Variants in TENM3 observed in about 807,000 individuals in gnomAD.
TENM3 encodes teneurin transmembrane protein 3.
A neutral mutation model predicts 255.1 loss-of-function variants in TENM3; 63 were observed. The observed-to-expected ratio is 0.25, with a 90% CI of 0.20 to 0.30. The LOEUF is 0.30. TENM3 is among the 10% of genes least tolerant of loss of function. The pLI is 1.00. For synonymous variants in TENM3, 1,306 were observed against 1,322.3 expected (o/e 0.99, Z 0.27); for missense variants, 2,929 against 3,461.1 (o/e 0.85, Z 3.86).
chr4:182,721,475 G>A (rs887682693), intron 13 of TENM3, among the ~76,000 whole-genome samples: 1 of 151,950 alleles, frequency 6.6e-6, no homozygotes, highest in Non-Finnish European at 1.5e-5. Flanking sequence ...CTACACTGAC[G>A]ATAATTTAAT....
chr4:182,188,513 G>A (rs1400456741), intron 1 of TENM3, among the ~76,000 whole-genome samples: 1 of 152,206 alleles, frequency 6.6e-6, no homozygotes, highest in Admixed American at 6.5e-5. Flanking sequence ...AGACTAGGTT[G>A]AAGTTGATAT....
the TENM3 span, among the ~76,000 whole-genome samples, chr4:181,639,868 G>T: frequency 6.6e-6 from 1 of 152,212 alleles, no homozygotes; most frequent in Non-Finnish European, 1.5e-5. Flanking sequence ...ATGAACTCCT[G>T]CCAGTAAGGC....
At chr4:181,694,260 G>T in the TENM3 span, among the ~76,000 whole-genome samples, 1 of 152,192 alleles carries the variant, frequency 6.6e-6, no homozygotes, top group Admixed American at 6.5e-5. Flanking sequence ...TTGGCTCCAG[G>T]TCTGCTGCTG....
intron 3 of TENM3, among the ~76,000 whole-genome samples, chr4:182,570,989 A>T (rs1560940898): frequency 6.6e-6 from 1 of 152,220 alleles, no homozygotes; most frequent in Admixed American, 6.5e-5. Context: ...AACCTGGCAC[A>T]CAGTAATCAG....
chr4:181,775,389 G>A, the TENM3 span, among the ~76,000 whole-genome samples: 2 of 152,094 alleles, frequency 1.3e-5, no homozygotes, highest in Non-Finnish European at 2.9e-5. Context: ...TGAGTTTCTT[G>A]TATCTACGCA....
intron 6 of TENM3, among the ~76,000 whole-genome samples, chr4:182,654,844 G>T (rs770807286): frequency 6.6e-6 from 1 of 152,064 alleles, no homozygotes; most frequent in Admixed American, 6.5e-5. Flanking sequence ...TGAATACTTT[G>T]TACACTTTTT....
intron 1 of TENM3, among the ~76,000 whole-genome samples, chr4:182,157,671 T>C (rs1047317266): frequency 2.0e-5 from 3 of 152,172 alleles, no homozygotes; most frequent in Non-Finnish European, 2.9e-5. Context: ...GTTAAATAGA[T>C]AGTACCAACA....
intron 12 of TENM3, among the ~76,000 whole-genome samples, chr4:182,706,050 T>C (rs946163840): frequency 1.4e-4 from 21 of 152,350 alleles, no homozygotes; most frequent in African/African-American, 5.1e-4. Context: ...CTGTCAGTGT[T>C]GGAACTAAGG....
intron 3 of TENM3, among the ~76,000 whole-genome samples, chr4:182,433,342 A>G (rs999682282): frequency 3.3e-5 from 5 of 152,206 alleles, no homozygotes; most frequent in African/African-American, 7.2e-5. Flanking sequence ...CAGCTTTACA[A>G]TAGGTGCTTG....
At chr4:182,013,909 C>T in the TENM3 span, among the ~76,000 whole-genome samples, 1 of 148,076 alleles carries the variant, frequency 6.8e-6, no homozygotes, top group Non-Finnish European at 1.5e-5. Context: ...CAGTATAATA[C>T]TTTATATTAT....
chr4:182,025,020 A>ATTTTTTT, the TENM3 span, among the ~76,000 whole-genome samples: 2 of 121,146 alleles, frequency 1.7e-5, no homozygotes, highest in African/African-American at 3.4e-5. Context: ...ACAGGATTTC[A>ATTTTTTT]TTTTTTTTTT....
At chr4:182,537,709 T>C (rs1421922578) in intron 3 of TENM3, among the ~76,000 whole-genome samples, 1 of 152,164 alleles carries the variant, frequency 6.6e-6, no homozygotes, top group Admixed American at 6.6e-5. Context: ...TCCACATGTG[T>C]TTAATTATTT....
chr4:181,528,004 A>AT, the TENM3 span, among the ~76,000 whole-genome samples: 1 of 152,166 alleles, frequency 6.6e-6, no homozygotes, highest in East Asian at 1.9e-4. Flanking sequence ...TTTTAAAACA[A>AT]TTTTTTAAAA....
At chr4:182,070,953 C>T in the TENM3 span, among the ~76,000 whole-genome samples, 6 of 152,154 alleles carry the variant, frequency 3.9e-5, no homozygotes, top group African/African-American at 1.4e-4. Context: ...ACTTGAACTT[C>T]AGGACTCCTT....
Position 182,154,027 on chromosome 4 carries a change from G to GA in TENM3, c.-76+9278dup, listed in dbSNP as rs140744581. ...TTATTTTTTATTATTTTTATCTTTTGAAAAACAATGATACCTTCTAATGTA... is the reference window on the plus strand; with the variant it reads ...TTATTTTTTATTATTTTTATCTTTTGAAAAAACAATGATACCTTCTAATGTA... On this transcript the variant is annotated intron_variant, in intron 1 of 2. Coordinates refer to the TENM3 transcript ENST00000512480. Among the ~76,000 whole-genome samples, 403 of 151,862 alleles carry GA rather than the reference G, an allele frequency of 2.7e-3. 7 individuals are homozygous for GA. The highest frequency in any genetic ancestry group is 8.6e-3 in the African/African-American group (357 of 41,458).
chr4:182,386,594 A>AGC (rs1315286815), intron 3 of TENM3, among the ~76,000 whole-genome samples: 1 of 152,186 alleles, frequency 6.6e-6, no homozygotes, highest in Non-Finnish European at 1.5e-5. Flanking sequence ...GGCTGCGCGC[A>AGC]GCGCTTGCGG....
chr4:181,544,428 A>T, the TENM3 span, among the ~76,000 whole-genome samples: 1 of 146,764 alleles, frequency 6.8e-6, no homozygotes, highest in African/African-American at 2.6e-5. Flanking sequence ...AAAAAAAAAA[A>T]AAAAAAAACT....
chr4:181,912,903 T>A, the TENM3 span, among the ~76,000 whole-genome samples: 1 of 152,048 alleles, frequency 6.6e-6, no homozygotes, highest in Non-Finnish European at 1.5e-5. Flanking sequence ...AACGTGAGTT[T>A]GAAGTAGAGT....
chr4:182,657,322 A>G (rs1753838452), intron 6 of TENM3, among the ~76,000 whole-genome samples: 1 of 152,062 alleles, frequency 6.6e-6, no homozygotes, highest in Non-Finnish European at 1.5e-5. Flanking sequence ...TTCCTGCTAT[A>G]CTCAAACCCC....
Sources: allele counts gnomAD v4.1 joint callset (sites outside exome capture counted in the v4.1 genomes callset), GRCh38; gene constraint gnomAD v4.1.1; transcripts MANE v1.5; gene names NCBI Gene and HGNC (gene_info 2026-07-23, HGNC 2026-07-21).